ATP6V0A2: variants seen among roughly 807,000 people sequenced by gnomAD.
ATP6V0A2 encodes ATPase H+ transporting V0 subunit a2.
A neutral mutation model predicts 104.4 loss-of-function variants in ATP6V0A2; 58 were observed. The ratio of observed to expected loss-of-function variants is 0.56; its 90% confidence interval spans 0.45 to 0.69. The LOEUF (loss-of-function observed/expected upper bound fraction) is 0.69. Among genes scored for constraint, ATP6V0A2 ranks in the 30% least tolerant of loss-of-function variants. ATP6V0A2 has a pLI of 0.00. For synonymous variants in ATP6V0A2, 376 were observed against 397.9 expected, an observed-to-expected ratio of 0.95 and a Z score of 0.65; for missense variants, 938 against 1,062.9, an observed-to-expected ratio of 0.88 and a Z score of 1.63.
At chr12:123,720,856 C>A (rs911607272) in intron 2 of ATP6V0A2, among the ~76,000 whole-genome samples, 14 of 151,996 alleles carry the variant, frequency 9.2e-5, no homozygotes, top group African/African-American at 3.4e-4. Context: ...CATAGTGAGA[C>A]CCCTGTCTCT....
At chr12:123,756,376 A>G (rs1294926378) in intron 18 of ATP6V0A2, 1 of 152,196 alleles carries the variant, frequency 6.6e-6, no homozygotes, top group East Asian at 1.9e-4. Flanking sequence ...AAAGGTCTGG[A>G]ATTTTGTGGC....
At position 123,724,671 on chromosome 12, in the gene ATP6V0A2, C is replaced by T. The variant is rs563333869; in HGVS notation, c.312C>T (p.Leu104=). The part of the protein sequence containing the change: ...VLEMQEQLQK[L]EVELREVTKN... ...TGTTTTAGGAGCAGTTGCAGAAGCTCGAGGTTGAACTGAGAGAAGTCACTA... is the reference window on the plus strand; with the variant it reads ...TGTTTTAGGAGCAGTTGCAGAAGCTTGAGGTTGAACTGAGAGAAGTCACTA... Residue 104 remains leucine, a synonymous_variant, in exon 4 of 20, where the codon CTC becomes CTT. Coordinates refer to ENST00000330342, the MANE Select transcript of ATP6V0A2 (RefSeq NM_012463.4). The T allele has an allele frequency of 1.3e-4, 213 of 1,613,656 alleles. No homozygotes were observed. Among genetic ancestry groups the T allele is most frequent in the Non-Finnish European group, 1.6e-4 (191 of 1,179,866 alleles).
At chr12:123,734,412 GGCGCTCAGGGGCCT>G (rs780386419) in intron 7 of ATP6V0A2, among the ~76,000 whole-genome samples, 3 of 152,162 alleles carry the variant, frequency 2.0e-5, no homozygotes, top group Non-Finnish European at 4.4e-5. Context: ...GTGAGGAGGA[GGCGCTCAGGGGCCT>G]GTCTGGATGC....
At chr12:123,751,041 T>C in intron 15 of ATP6V0A2, 69 bp from the exon 16 acceptor site, 1 of 1,601,862 alleles carries the variant, frequency 6.2e-7, no homozygotes, top group Non-Finnish European at 8.6e-7. Flanking sequence ...CCTGATTTCA[T>C]CGTGTGCTGC....
intron 3 of ATP6V0A2, chr12:123,724,452 C>A (rs1956428806): frequency 2.1e-6 from 1 of 478,222 alleles, no homozygotes. Flanking sequence ...TCGCTTGAAC[C>A]CAGGAGGTGG....
intron 15 of ATP6V0A2, 24 bp from the exon 16 acceptor site, chr12:123,751,086 G>T (rs201476414): frequency 5.6e-5 from 90 of 1,613,914 alleles, no homozygotes; most frequent in Middle Eastern, 3.3e-4. Context: ...TTTTAATCGG[G>T]TTTCTCACCT....
intron 15 of ATP6V0A2, 40 bp from the exon 16 acceptor site, chr12:123,751,070 T>G: frequency 6.2e-7 from 1 of 1,613,794 alleles, no homozygotes; most frequent in East Asian, 2.2e-5. Flanking sequence ...CAGGCAGGCC[T>G]TCACGTTTTA....
At position 123,736,319 on chromosome 12, in the gene ATP6V0A2, G is replaced by A. The variant is rs1478524804; in HGVS notation, c.825+695G>A. ...CAATTCTCCTGCCTCAGCCTCCCAA[G>A]TAGCTGGGATTATAGGCATGCGCCA... On this transcript the variant is annotated intron_variant, in intron 8 of 19. Transcript: ENST00000330342. Among the ~76,000 whole-genome samples the A allele has an allele frequency of 2.0e-5, 3 of 150,554 alleles. No homozygotes were observed. The East Asian group carries it at 5.9e-4, about 30-fold the overall frequency.
intron 4 of ATP6V0A2, 76 bp downstream of exon 4, chr12:123,724,867 T>C (rs1593891018): frequency 7.8e-7 from 1 of 1,284,332 alleles, no homozygotes; most frequent in Non-Finnish European, 1.1e-6. Context: ...CCATAGGCTG[T>C]GTATTTTGCT....
chr12:123,752,439 A>G (rs1280952150), intron 17 of ATP6V0A2, 37 bp downstream of exon 17: 1 of 1,611,060 alleles, frequency 6.2e-7, no homozygotes, highest in South Asian at 1.1e-5. Context: ...AACTTAGATA[A>G]GTAACCAAGC....
chr12:123,755,129 C>T (rs190684077), intron 18 of ATP6V0A2, among the ~76,000 whole-genome samples: 3 of 152,242 alleles, frequency 2.0e-5, no homozygotes, highest in African/African-American at 4.8e-5. Flanking sequence ...AGCCTACGTG[C>T]GGCAGGTGTC....
chr12:123,717,172 G>A (rs949002093), intron 1 of ATP6V0A2, among the ~76,000 whole-genome samples: 7 of 151,850 alleles, frequency 4.6e-5, no homozygotes, highest in Non-Finnish European at 8.8e-5. Flanking sequence ...AAAATTAGCC[G>A]GGGGTGGTGG....
At chr12:123,743,512 G>A (rs910221390) in intron 9 of ATP6V0A2, among the ~76,000 whole-genome samples, 4 of 152,096 alleles carry the variant, frequency 2.6e-5, no homozygotes, top group South Asian at 2.1e-4. Context: ...AATTAGACGG[G>A]CATGGTTGCA....
chr12:123,745,030 G>A (rs1374926899), intron 13 of ATP6V0A2, 58 bp downstream of exon 13: 28 of 1,524,758 alleles, frequency 1.8e-5, no homozygotes, highest in Middle Eastern at 1.9e-4. Context: ...ACCTAGCTTC[G>A]GGCGCCACGA....
At chr12:123,752,205 A>G in intron 16 of ATP6V0A2, 78 bp from the exon 17 acceptor site, 1 of 1,586,936 alleles carries the variant, frequency 6.3e-7, no homozygotes, top group Admixed American at 1.7e-5. Flanking sequence ...TAAGAGAAAC[A>G]AAGAAACTAT....
intron 13 of ATP6V0A2, among the ~76,000 whole-genome samples, chr12:123,746,395 A>G (rs969340149): frequency 2.0e-5 from 3 of 152,038 alleles, no homozygotes; most frequent in Non-Finnish European, 4.4e-5. Flanking sequence ...CTGGCCTCCA[A>G]CTTCTCAGCC....
At chr12:123,712,806 G>C in intron 1 of ATP6V0A2, 124 bp downstream of exon 1, 1 of 873,140 alleles carries the variant, frequency 1.1e-6, no homozygotes, top group South Asian at 1.4e-5. Flanking sequence ...TTGTCCAGAC[G>C]GGGAAGATGA....
chr12:123,732,535 G>A (rs1420317276), intron 6 of ATP6V0A2: 2 of 152,470 alleles, frequency 1.3e-5, no homozygotes, highest in Non-Finnish European at 2.9e-5. Context: ...CGGCGGTGCT[G>A]GCCTCCTCGA....
intron 6 of ATP6V0A2, chr12:123,733,294 C>T (rs1379272645): frequency 4.0e-5 from 5 of 125,610 alleles, no homozygotes; most frequent in African/African-American, 1.5e-4. Context: ...GCCTGGGCAC[C>T]AAGAGAGAGA....
Sources: allele counts gnomAD v4.1 joint callset (sites outside exome capture counted in the v4.1 genomes callset), GRCh38; gene constraint gnomAD v4.1.1; transcripts MANE v1.5; gene names NCBI Gene and HGNC (gene_info 2026-07-23, HGNC 2026-07-21).